The following IFT172 variants were observed in gnomAD, a reference collection of about 807,000 sequenced individuals.
IFT172 encodes the protein intraflagellar transport 172.
IFT172 carries 164 observed loss-of-function variants against 248.9 expected under a neutral mutation model. The observed-to-expected ratio is 0.66, with a 90% CI of 0.58 to 0.75. The LOEUF is 0.75. Among genes scored for constraint, IFT172 ranks in the 30% least tolerant of loss-of-function variants. The probability of loss-of-function intolerance (pLI) is 0.00; values close to 1 mark genes in which losing one functional copy is unlikely to be tolerated. For synonymous variants in IFT172, 729 were observed against 791.6 expected, an observed-to-expected ratio of 0.92 and a Z score of 1.33; for missense variants, 1,950 against 2,192.4, an observed-to-expected ratio of 0.89 and a Z score of 2.21.
At chr2:27,449,246 A>G (rs749087926) in intron 39 of IFT172, 48 bp downstream of exon 39, 19 of 1,607,778 alleles carry the variant, frequency 1.2e-5, no homozygotes, top group Non-Finnish European at 1.4e-5. Context: ...CAGGTGGGGA[A>G]TCAAGGGAAA....
At chr2:27,469,824 T>C (rs1221803664) in intron 16 of IFT172, among the ~76,000 whole-genome samples, 1 of 151,922 alleles carries the variant, frequency 6.6e-6, no homozygotes, top group East Asian at 1.9e-4. Context: ...AGAGAGACTC[T>C]GTCTCAAATA....
chr2:27,465,364 T>A (rs1317233804), intron 18 of IFT172, 47 bp downstream of exon 18: 1 of 1,493,130 alleles, frequency 6.7e-7, no homozygotes, highest in Non-Finnish European at 9.3e-7. Context: ...CTCATGTGAT[T>A]ATCCCTCCTA....
intron 14 of IFT172, among the ~76,000 whole-genome samples, chr2:27,474,144 C>A (rs1436782809): frequency 3.3e-5 from 5 of 152,166 alleles, no homozygotes; most frequent in African/African-American, 4.8e-5. Context: ...GAAAATGAGA[C>A]CTACAGAGTG....
At chr2:27,458,327 A>C in intron 26 of IFT172, 104 bp from the exon 27 acceptor site, 2 of 941,028 alleles carry the variant, frequency 2.1e-6, no homozygotes, top group Non-Finnish European at 3.4e-6. Flanking sequence ...CCCAACAATC[A>C]CAGGAGTTTG....
chr2:27,477,549 C>T lies in IFT172; in HGVS notation c.1221+10G>A. On this transcript the variant is annotated intron_variant, in intron 12 of 47. Transcript: ENST00000260570. ...ATCAAGATGGTGATGGTGAATCAAGCTCTACTCACATTCTCATTTTCAAAG... is the reference window on the plus strand; with the variant it reads ...ATCAAGATGGTGATGGTGAATCAAGTTCTACTCACATTCTCATTTTCAAAG... 6.3e-7 allele frequency: 1 copy of T among 1,587,664 alleles called. No homozygotes were observed. Among genetic ancestry groups the T allele is most frequent in the Non-Finnish European group, 8.7e-7 (1 of 1,155,758 alleles).
At chr2:27,474,069 A>G (rs1352947127) in intron 14 of IFT172, among the ~76,000 whole-genome samples, 3 of 152,134 alleles carry the variant, frequency 2.0e-5, no homozygotes, top group Admixed American at 2.0e-4. Flanking sequence ...CGGCCTCTCA[A>G]AGTATTGGGA....
In IFT172 at chr2:27,454,004, C is replaced by A; in HGVS notation, c.3689G>T (p.Gly1230Val). The change falls in exon 33 of 48, where the codon GGC becomes GTC. Residue 1230 changes from glycine (G) to valine (V), a missense_variant. Transcript: ENST00000260570. The surrounding 1 kb of genome is among the most constrained non-coding windows in gnomAD (Gnocchi z 4.2). The part of the protein sequence containing the change: ...EGLLLRAQRP[G>V]LALNYYKEAG... ...CACCTTATAATAATTGAGGGCCAGG[C>A]CTGGTCTCTGGGCCCGGAGCAGCAG... 6.2e-7 allele frequency: 1 copy of A among 1,613,486 alleles called. No individual in the cohort carries two copies. The highest frequency in any genetic ancestry group is 2.2e-5 in the East Asian group (1 of 44,880).
chr2:27,476,527 AT>A (rs1457728894), intron 14 of IFT172, 113 bp downstream of exon 14: 13 of 676,554 alleles, frequency 1.9e-5, no homozygotes, highest in Middle Eastern at 4.2e-4. Context: ...TGGAGTTACT[AT>A]TTACCTGGTG....
At position 27,470,965 on chromosome 2, in the gene IFT172, A is replaced by G. The variant is rs369863525; in HGVS notation, c.1655T>C (p.Ile552Thr). Residue 552 changes from isoleucine to threonine, a missense_variant, in exon 16 of 48, where the codon ATT becomes ACT. Physicochemically the swap from Ile to Thr is moderately conservative, Grantham distance 89. Transcript: ENST00000260570. ...NRNSLCVWYN[I>T]EAPERVTMFT... is the part of the protein sequence containing the mutation. Reference sequence around the variant, plus strand: ...CATGGTGACTCTCTCAGGTGCCTCAATGTTGTACCATACACACAGACTGTT... The same window carrying G: ...CATGGTGACTCTCTCAGGTGCCTCAGTGTTGTACCATACACACAGACTGTT... 86 of 1,612,472 alleles carry G rather than the reference A, an allele frequency of 5.3e-5. No homozygotes were observed. The highest frequency in any genetic ancestry group is 6.8e-5 in the Non-Finnish European group (80 of 1,179,644).
At chr2:27,466,667 C>A (rs377266569) in intron 16 of IFT172, among the ~76,000 whole-genome samples, 10 of 151,762 alleles carry the variant, frequency 6.6e-5, no homozygotes, top group African/African-American at 2.4e-4. Context: ...AAAAAGTAAA[C>A]AATAACTACA....
chr2:27,485,021 T>C lies in IFT172; in HGVS notation c.293A>G (p.Asp98Gly). ...NIIYVYKIGE[D>G]WGDKKVICNK... ...ATCTCCCAGTCTCTATCCTCACCAA[T>C]CTTCTCCAATCTTGTAGACATAGAT... is the stretch of plus-strand genomic sequence containing the variant. The change falls in exon 3 of 48, where the codon GAT (aspartate) becomes GGT (glycine). Residue 98 changes from aspartate (D) to glycine (G), a missense_variant. Around this residue, in one of 3 missense-constraint regions of IFT172, gnomAD observed 1,166 missense variants for 1,254.1 expected, o/e 0.93. Coordinates refer to ENST00000260570, the MANE Select transcript of IFT172 (RefSeq NM_015662.3). 1.3e-6 allele frequency: 2 copies of C among 1,534,422 alleles called. No homozygotes were observed. Among genetic ancestry groups the C allele is most frequent in the Non-Finnish European group, 1.8e-6 (2 of 1,108,464 alleles).
At chr2:27,463,019 G>A in intron 19 of IFT172, 78 bp downstream of exon 19, 1 of 1,507,992 alleles carries the variant, frequency 6.6e-7, no homozygotes, top group South Asian at 1.1e-5. Flanking sequence ...TGGCTGGAAA[G>A]CTAGGAATCA....
intron 26 of IFT172, 30 bp from the exon 27 acceptor site, chr2:27,458,253 A>G (rs759114127): frequency 6.3e-7 from 1 of 1,581,440 alleles, no homozygotes; most frequent in Non-Finnish European, 8.7e-7. Context: ...AGGCAGCCTC[A>G]GATCCAATTC....
Position 27,445,721 on chromosome 2 carries a change from G to A in IFT172, c.4914+24C>T, listed in dbSNP as rs771275474. On this transcript the variant is annotated intron_variant, in intron 45 of 47. Transcript: ENST00000260570. This position sits in a 1 kb window ranked among gnomAD's most constrained non-coding sequence, Gnocchi z 4.4. ...GGCACTCACACTGGTGAGGCCTTCCGGTTTTCCAACCCTGTGCCCTTACCG... is the reference window on the plus strand; with the variant it reads ...GGCACTCACACTGGTGAGGCCTTCCAGTTTTCCAACCCTGTGCCCTTACCG... 14 of 1,613,520 alleles carry A rather than the reference G, an allele frequency of 8.7e-6. No individual in the cohort carries two copies. The highest frequency in any genetic ancestry group is 3.3e-5 in the Admixed American group (2 of 60,014).
At position 27,447,493 on chromosome 2, in the gene IFT172, C is replaced by G. The variant is rs1477783404; in HGVS notation, c.4659+22G>C. 5 of 1,611,380 alleles carry G rather than the reference C, an allele frequency of 3.1e-6. No homozygotes were observed. The East Asian group carries it at 8.9e-5, about 29-fold the overall frequency. On this transcript the variant is annotated intron_variant, in intron 42 of 47. Transcript: ENST00000260570. The stretch of plus-strand genomic sequence containing the variant: ...AGATGAGCCCTTCTGACTGAGTGTT[C>G]CTTCGACCCCCTACATCTCACCAGC...
In IFT172 at chr2:27,454,191, C is replaced by A; in HGVS notation, c.3531-29G>T. The stretch of plus-strand genomic sequence containing the variant: ...CCTCCAGGTGGGGACAGAGGAGAGA[C>A]TGAGTATAGGACTGAGGCCCCAATA... On this transcript the variant is annotated intron_variant, in intron 32 of 47. Coordinates refer to ENST00000260570, the MANE Select transcript of IFT172 (RefSeq NM_015662.3). The surrounding 1 kb of genome is among the most constrained non-coding windows in gnomAD (Gnocchi z 4.2). 6.2e-7 allele frequency: 1 copy of A among 1,607,004 alleles called. No homozygotes were observed. Among genetic ancestry groups the A allele is most frequent in the Non-Finnish European group, 8.5e-7 (1 of 1,175,702 alleles).
intron 35 of IFT172, among the ~76,000 whole-genome samples, chr2:27,451,995 A>G (rs984962232): frequency 8.0e-4 from 121 of 150,612 alleles, no homozygotes; most frequent in African/African-American, 2.8e-3. Flanking sequence ...GTGTGTATAT[A>G]TATATATATA....
intron 3 of IFT172, 68 bp from the exon 4 acceptor site, chr2:27,484,334 G>A (rs778605934): frequency 3.2e-5 from 50 of 1,559,676 alleles, no homozygotes; most frequent in Non-Finnish European, 4.3e-5. Flanking sequence ...GCTCATGCCT[G>A]TAATCCCAGC....
Position 27,449,752 on chromosome 2 carries a change from C to T in IFT172, c.4099G>A (p.Ala1367Thr). The change falls in exon 37 of 48, where the codon GCT becomes ACT. Residue 1367 changes from alanine to threonine, a missense_variant. By Grantham distance (58) the Ala-to-Thr change is moderately conservative (BLOSUM62 0). Coordinates refer to ENST00000260570, the MANE Select transcript of IFT172 (RefSeq NM_015662.3). ...NLDLVKEAID[A>T]FIEGEEWNKA... ...TTCCACTCCTCACCCTCGATGAAAG[C>T]ATCGATTGCTTCCTTGACAAGGTCC... is the stretch of plus-strand genomic sequence containing the variant. 1 of 1,614,118 alleles carries T rather than the reference C, an allele frequency of 6.2e-7. No individual in the cohort carries two copies. The highest frequency in any genetic ancestry group is 1.3e-5 in the African/African-American group (1 of 75,064).
Sources: allele counts gnomAD v4.1 joint callset (sites outside exome capture counted in the v4.1 genomes callset), GRCh38; gene constraint gnomAD v4.1.1; regional missense constraint gnomAD v4.1.1; non-coding constraint Gnocchi (gnomAD v3.1); transcripts MANE v1.5; gene names NCBI Gene and HGNC (gene_info 2026-07-23, HGNC 2026-07-21).